Variants in ACSL4 observed in about 807,000 individuals in gnomAD.
ACSL4 encodes acyl-CoA synthetase long chain family member 4.
ACSL4 carries 9 observed loss-of-function variants against 49.1 expected under a neutral mutation model. The ratio of observed to expected loss-of-function variants is 0.18; its 90% confidence interval spans 0.11 to 0.32. The LOEUF is 0.32. Among genes scored for constraint, ACSL4 ranks in the 10% least tolerant of loss-of-function variants. ACSL4 has a pLI of 1.00. For synonymous variants in ACSL4, 191 were observed against 170.3 expected (o/e 1.12, Z -0.95); for missense variants, 333 against 493.7 (o/e 0.67, Z 3.08).
intron 1 of ACSL4, among the ~76,000 whole-genome samples, chrX:109,719,498 A>G (rs920227447): frequency 8.9e-6 from 1 of 112,221 alleles, no homozygotes; most frequent in African/African-American, 3.2e-5. Context: ...AACTAAGTCC[A>G]CAAAGAAATG....
chrX:109,661,284 T>C (rs1475254763), intron 14 of ACSL4, among the ~76,000 whole-genome samples: 2 of 111,607 alleles, frequency 1.8e-5, no homozygotes, highest in Non-Finnish European at 3.8e-5. Context: ...GGATGTTAAA[T>C]GAAATAACTT....
At position 109,710,777 on chromosome X, in the gene ACSL4, C is replaced by T. The variant is rs758611869; in HGVS notation, c.-65-14581G>A. Reference sequence around the variant, plus strand: ...CCAGGCTGGAGTACAGTGGCACAATCATAGCTCACTGCTGCCTTGAACTTC... The same window carrying T: ...CCAGGCTGGAGTACAGTGGCACAATTATAGCTCACTGCTGCCTTGAACTTC... On this transcript the variant is annotated intron_variant, in intron 1 of 15. Coordinates refer to ENST00000672401, the MANE Select transcript of ACSL4 (RefSeq NM_001318510.2). Among the ~76,000 whole-genome samples, 3 of 112,260 alleles carry T rather than the reference C, an allele frequency of 2.7e-5. No homozygotes were observed. The South Asian group carries it at 1.1e-3, about 41-fold the overall frequency.
At chrX:109,679,065 G>A (rs1232827695) in intron 6 of ACSL4, among the ~76,000 whole-genome samples, 1 of 111,735 alleles carries the variant, frequency 8.9e-6, no homozygotes, top group Non-Finnish European at 1.9e-5. Context: ...AACCACTAGT[G>A]GGTATCAGAA....
chrX:109,713,077 A>AG (rs755152975), intron 1 of ACSL4, among the ~76,000 whole-genome samples: 202 of 108,670 alleles, frequency 1.9e-3, no homozygotes, highest in African/African-American at 6.4e-3. Flanking sequence ...GAAGGGAAGA[A>AG]GGGAAGAAGG....
intron 1 of ACSL4, among the ~76,000 whole-genome samples, chrX:109,730,743 T>G (rs1044535563): frequency 8.9e-6 from 1 of 112,459 alleles, no homozygotes; most frequent in Non-Finnish European, 1.9e-5. Context: ...CTCGGCTCAC[T>G]GCAAGCTCCA....
chrX:109,671,282 G>A (rs182040880), intron 9 of ACSL4, among the ~76,000 whole-genome samples: 54 of 109,368 alleles, frequency 4.9e-4, no homozygotes, highest in Non-Finnish European at 9.4e-4. Flanking sequence ...CCGCGACCCC[G>A]TCTGGGAACT....
chrX:109,656,667 C>CT (rs1483468288), intron 15 of ACSL4, among the ~76,000 whole-genome samples: 1 of 110,168 alleles, frequency 9.1e-6, no homozygotes, highest in African/African-American at 3.3e-5. Context: ...ACAATATGGG[C>CT]TGCTTTTTGT....
intron 1 of ACSL4, among the ~76,000 whole-genome samples, chrX:109,718,724 G>A (rs1380794679): frequency 9.4e-6 from 1 of 106,928 alleles, no homozygotes; most frequent in African/African-American, 3.5e-5. Flanking sequence ...ATTGCACTTG[G>A]GTGAAAGAAG....
At chrX:109,672,713 G>C (rs1414399780) in intron 9 of ACSL4, among the ~76,000 whole-genome samples, 2 of 71,600 alleles carry the variant, frequency 2.8e-5, no homozygotes, top group African/African-American at 1.2e-4. Flanking sequence ...TATTTGATGA[G>C]GTGCCAATGG....
At chrX:109,691,822 G>C (rs1308884252) in intron 2 of ACSL4, among the ~76,000 whole-genome samples, 1 of 111,663 alleles carries the variant, frequency 9.0e-6, no homozygotes, top group East Asian at 2.8e-4. Context: ...CAAATAACTT[G>C]TGCAATCAAA....
Position 109,642,301 on chromosome X carries a change from C to T in ACSL4, c.*1728G>A, listed in dbSNP as rs1250576318. On this transcript the variant is annotated 3_prime_UTR_variant, in exon 16 of 16. Transcript: ENST00000672401. ...GGAATAAAAGCTGAACAGTAGTCTA[C>T]TTGATAATAATGGTATTTCACTCTT... 3 of 111,572 alleles carry T rather than the reference C, an allele frequency of 2.7e-5. No individual in the cohort carries two copies. The highest frequency in any genetic ancestry group is 9.8e-5 in the African/African-American group (3 of 30,630). The allele number at this position is 111,572 out of a possible 1,213,427, so 9.2% of individuals were successfully genotyped here. A position where few individuals can be genotyped will look rare whatever the true frequency, so the allele number is the denominator to read the frequency against.
chrX:109,653,361 G>A (rs1921321713), intron 15 of ACSL4, among the ~76,000 whole-genome samples: 1 of 111,817 alleles, frequency 8.9e-6, no homozygotes, highest in Non-Finnish European at 1.9e-5. Flanking sequence ...TGGTGGGATT[G>A]TAAACTAGTT....
chrX:109,732,054 C>A (rs979472964), intron 1 of ACSL4, among the ~76,000 whole-genome samples: 1 of 112,556 alleles, frequency 8.9e-6, no homozygotes, highest in Non-Finnish European at 1.9e-5. Context: ...GTCCTAGAAT[C>A]AAAACACTAG....
At chrX:109,660,876 G>A (rs1281221157) in intron 14 of ACSL4, among the ~76,000 whole-genome samples, 1 of 110,622 alleles carries the variant, frequency 9.0e-6, no homozygotes, top group East Asian at 2.8e-4. Flanking sequence ...GATTTCTAGA[G>A]AAGTCAAATT....
At chrX:109,689,145 C>T (rs968092431) in intron 2 of ACSL4, among the ~76,000 whole-genome samples, 1 of 111,277 alleles carries the variant, frequency 9.0e-6, no homozygotes, top group Admixed American at 9.6e-5. Context: ...CACCCTTTTA[C>T]CCCCCTCTCT....
intron 15 of ACSL4, among the ~76,000 whole-genome samples, chrX:109,648,472 C>T (rs1408274190): frequency 9.0e-6 from 1 of 111,143 alleles, no homozygotes; most frequent in Non-Finnish European, 1.9e-5. Flanking sequence ...CAAAATTCAA[C>T]AACGCTTCAT....
chrX:109,647,829 T>G (rs2147357048), intron 15 of ACSL4, among the ~76,000 whole-genome samples: 1 of 110,565 alleles, frequency 9.0e-6, no homozygotes, highest in African/African-American at 3.3e-5. Flanking sequence ...CAATAAAAAA[T>G]GATAAAGGGG....
intron 1 of ACSL4, among the ~76,000 whole-genome samples, chrX:109,707,072 A>G (rs914591021): frequency 2.7e-5 from 3 of 112,480 alleles, no homozygotes; most frequent in African/African-American, 9.7e-5. Context: ...TCTACATTAG[A>G]GACTGATAAA....
chrX:109,714,308 T>A (rs1926961783), intron 1 of ACSL4, among the ~76,000 whole-genome samples: 1 of 112,315 alleles, frequency 8.9e-6, no homozygotes, highest in African/African-American at 3.2e-5. Flanking sequence ...AGCTGTACAG[T>A]GTGTTTGTTT....
Sources: allele counts gnomAD v4.1 joint callset (sites outside exome capture counted in the v4.1 genomes callset), GRCh38; gene constraint gnomAD v4.1.1; transcripts MANE v1.5; gene names NCBI Gene and HGNC (gene_info 2026-07-23, HGNC 2026-07-21).